GSE1: variants seen among roughly 807,000 people sequenced by gnomAD.
GSE1 encodes Gse1 coiled-coil protein.
A neutral mutation model predicts 112.6 loss-of-function variants in GSE1; 32 were observed. That is an observed-to-expected ratio of 0.28 (90% CI 0.21 to 0.38). GSE1 has a LOEUF of 0.38. Ranked by LOEUF, GSE1 falls within the 10% of genes least tolerant of loss-of-function variation. GSE1 has a pLI of 1.00. For missense variants in GSE1, 2,348 were observed against 1,699.2 expected, an observed-to-expected ratio of 1.38 and a Z score of -6.71; for synonymous variants, 1,115 against 735.6, an observed-to-expected ratio of 1.52 and a Z score of -8.35.
chr16:85,547,149 G>A (rs13339626), intron 2 of GSE1, among the ~76,000 whole-genome samples: 36,520 of 152,158 alleles, frequency 0.24, 4,677 homozygotes, highest in South Asian at 0.41. Flanking sequence ...TGTGGCCCAA[G>A]GCATGCGGCT....
intron 2 of GSE1, among the ~76,000 whole-genome samples, chr16:85,454,565 C>T (rs1183846321): frequency 6.6e-6 from 1 of 152,258 alleles, no homozygotes; most frequent in African/African-American, 2.4e-5. Context: ...CACCCTAAAC[C>T]AGGGGCCTCA....
At chr16:85,410,151 G>A (rs374417507) in intron 2 of GSE1, among the ~76,000 whole-genome samples, 86 of 39,970 alleles carry the variant, frequency 2.2e-3, no homozygotes, top group Admixed American at 2.6e-3. Context: ...GATAATCCTC[G>A]CTGTTACACT....
intron 1 of GSE1, among the ~76,000 whole-genome samples, chr16:85,303,987 C>T (rs991196707): frequency 6.6e-6 from 1 of 152,220 alleles, no homozygotes; most frequent in African/African-American, 2.4e-5. Flanking sequence ...GAACAGGACC[C>T]CAGTGGTCTA....
At chr16:85,628,969 T>C (rs1345136071) in intron 1 of GSE1, among the ~76,000 whole-genome samples, 3 of 152,182 alleles carry the variant, frequency 2.0e-5, no homozygotes, top group African/African-American at 7.2e-5. Context: ...GATTGGATCA[T>C]GGGGGTGGAT....
intron 14 of GSE1, 49 bp from the exon 15 acceptor site, chr16:85,670,946 T>C (rs1296016865): frequency 8.3e-7 from 1 of 1,203,594 alleles, no homozygotes; most frequent in African/African-American, 1.5e-5. Context: ...AAAGCGGGCC[T>C]TCGGGCTCCT....
chr16:85,179,166 T>G (rs984165699), intron 1 of GSE1, among the ~76,000 whole-genome samples: 1 of 151,980 alleles, frequency 6.6e-6, no homozygotes, highest in African/African-American at 2.4e-5. Flanking sequence ...CCCCGTCGCC[T>G]CCTCCACCCA....
chr16:85,387,151 T>G (rs2047705294), intron 2 of GSE1, among the ~76,000 whole-genome samples: 2 of 152,196 alleles, frequency 1.3e-5, no homozygotes, highest in African/African-American at 4.8e-5. Flanking sequence ...CCACAGGTAC[T>G]GGAGTCCAGC....
Position 85,556,122 on chromosome 16 carries a change from C to G in GSE1, c.-205C>G, listed in dbSNP as rs762559173. ...GCCTGGGCGCTGGTCGGAGAGAGAG[C>G]CTTTTGATCATCTTGCGGGGCGGGG... On this transcript the variant is annotated 5_prime_UTR_variant, in exon 1 of 3. Transcript: ENST00000635906. 4.0e-4 allele frequency: 397 copies of G among 980,924 alleles called. 1 individual carries two copies. Among genetic ancestry groups the G allele is most frequent in the Middle Eastern group, 5.2e-4 (1 of 1,924 alleles). The allele number at this position is 980,924 out of a possible 1,614,324, so 60.8% of individuals were successfully genotyped here.
At chr16:85,547,408 G>C (rs1266537202) in intron 2 of GSE1, among the ~76,000 whole-genome samples, 1 of 152,154 alleles carries the variant, frequency 6.6e-6, no homozygotes, top group Non-Finnish European at 1.5e-5. Context: ...ACATCCCTCG[G>C]CTTGTGGCCA....
chr16:85,403,752 T>C (rs540641770), intron 2 of GSE1, among the ~76,000 whole-genome samples: 2 of 152,246 alleles, frequency 1.3e-5, no homozygotes, highest in South Asian at 4.1e-4. Flanking sequence ...CAGTGAGCTG[T>C]GATCCTGCCA....
At chr16:85,613,669 G>A (rs995670817) in intron 1 of GSE1, among the ~76,000 whole-genome samples, 24 of 151,620 alleles carry the variant, frequency 1.6e-4, no homozygotes, top group African/African-American at 5.8e-4. Context: ...GGGATGGGGG[G>A]GGTGCGTTTA....
intron 3 of GSE1, among the ~76,000 whole-genome samples, chr16:85,653,029 A>T (rs1227599242): frequency 1.3e-5 from 2 of 151,028 alleles, no homozygotes; most frequent in South Asian, 2.1e-4. Flanking sequence ...TGGCTCTCAG[A>T]CACCCCCAGG....
At chr16:85,515,970 G>C (rs370995593) in intron 2 of GSE1, among the ~76,000 whole-genome samples, 5 of 152,308 alleles carry the variant, frequency 3.3e-5, no homozygotes, top group African/African-American at 1.2e-4. Flanking sequence ...CAGGGGGCAA[G>C]CAGGGGAAAG....
At chr16:85,197,222 A>G (rs889573725) in intron 1 of GSE1, among the ~76,000 whole-genome samples, 2 of 151,990 alleles carry the variant, frequency 1.3e-5, no homozygotes, top group Non-Finnish European at 2.9e-5. Context: ...CCACTTGGGG[A>G]TCCACGTGGG....
At chr16:85,662,826 G>T in intron 9 of GSE1, 155 bp from the exon 10 acceptor site, 3 of 609,658 alleles carry the variant, frequency 4.9e-6, no homozygotes, top group Non-Finnish European at 8.8e-6. Context: ...GTTAATGTTG[G>T]TTTCCACCTC....
rs1397085398 is a variant in GSE1 at position 85,633,595 on chromosome 16, G to GGTGATGCGTGGAGGAT, written c.8-308_8-307insAGGATGTGATGCGTGG. Among the ~76,000 whole-genome samples, 5 of 152,314 alleles carry GGTGATGCGTGGAGGAT rather than the reference G, an allele frequency of 3.3e-5. No individual in the cohort carries two copies. In the South Asian group the frequency reaches 6.2e-4, roughly 19 times the overall value. On this transcript the variant is annotated intron_variant, in intron 1 of 15. Coordinates refer to ENST00000253458, the MANE Select transcript of GSE1 (RefSeq NM_014615.5). ...CCATTTGATGGTCAGGGGCCTGTTG[G>GGTGATGCGTGGAGGAT]GTGATGCGTGGGATCCTCCACGACC...
chr16:85,309,884 G>T (rs945782178), intron 1 of GSE1, among the ~76,000 whole-genome samples: 6 of 152,270 alleles, frequency 3.9e-5, no homozygotes, highest in Non-Finnish European at 7.3e-5. Flanking sequence ...CGAAGTGGCG[G>T]GCGCCCCCTT....
At chr16:85,335,306 C>T (rs971071199) in intron 1 of GSE1, among the ~76,000 whole-genome samples, 4 of 152,248 alleles carry the variant, frequency 2.6e-5, no homozygotes, top group African/African-American at 4.8e-5. Context: ...CTGCTGAGGC[C>T]GGGAGCAGCC....
At chr16:85,539,926 G>C (rs1212631090) in intron 2 of GSE1, among the ~76,000 whole-genome samples, 2 of 152,236 alleles carry the variant, frequency 1.3e-5, no homozygotes, top group Non-Finnish European at 2.9e-5. Context: ...CCTGTGACCT[G>C]GTGAGAGGTT....
Sources: gnomAD v4.1 joint callset for allele counts (sites outside exome capture counted in the v4.1 genomes callset) on GRCh38, gnomAD v4.1.1 for gene constraint, MANE v1.5 for transcripts, NCBI Gene and HGNC (gene_info 2026-07-23, HGNC 2026-07-21) for gene names.